ZNF516: variants seen among roughly 807,000 people sequenced by gnomAD.
ZNF516 encodes the protein zinc finger protein 516.
Under a neutral mutation model 79.7 loss-of-function variants are expected in ZNF516, and 19 were observed. The observed-to-expected ratio is 0.24, with a 90% confidence interval of 0.17 to 0.35. ZNF516 has a LOEUF of 0.35. ZNF516 is among the 10% of genes least tolerant of loss of function. The pLI, the probability that ZNF516 is intolerant of heterozygous loss-of-function variation, is 1.00. For missense variants in ZNF516, 1,678 were observed against 1,679.5 expected, an observed-to-expected ratio of 1.00 and a Z score of 0.02; for synonymous variants, 877 against 739.5, an observed-to-expected ratio of 1.19 and a Z score of -3.02.
chr18:76,443,350 A>C, intron 2 of ZNF516, 139 bp from the exon 3 acceptor site: 1 of 416,160 alleles, frequency 2.4e-6, no homozygotes, highest in Non-Finnish European at 4.3e-6. Context: ...CACTTCACAC[A>C]CAGGCGAGAG....
chr18:76,453,626 A>G (rs932109364), intron 2 of ZNF516, among the ~76,000 whole-genome samples: 13 of 152,228 alleles, frequency 8.5e-5, no homozygotes, highest in African/African-American at 3.1e-4. Flanking sequence ...AACCCAATTT[A>G]GAAGTGGCTT....
In ZNF516 at chr18:76,493,532, A is replaced by G. The variant is rs1416082290; in HGVS notation, c.-272+1612T>C. On this transcript the variant is annotated intron_variant, in intron 1 of 6. Transcript: ENST00000443185. The surrounding 1 kb of genome is among the most constrained non-coding windows in gnomAD (Gnocchi z 5.2). ...AGCAATCGTGTTTCCTTAAGAAAGA[A>G]CTGACCTATTTTTGGCTGGAGATAA... 2.0e-5 allele frequency: 3 copies of G among 152,262 alleles called. No homozygotes were observed. Among genetic ancestry groups the G allele is most frequent in the African/African-American group, 7.2e-5 (3 of 41,466 alleles). The allele number at this position is 152,262 out of a possible 1,614,324, so 9.4% of individuals were successfully genotyped here.
At chr18:76,363,023 G>A (rs1487167672) in intron 6 of ZNF516, among the ~76,000 whole-genome samples, 4 of 152,184 alleles carry the variant, frequency 2.6e-5, no homozygotes, top group African/African-American at 7.2e-5. Context: ...AGAAGAGCAC[G>A]GCTCTCACGT....
At chr18:76,365,364 T>A (rs775013083) in intron 6 of ZNF516, among the ~76,000 whole-genome samples, 5 of 152,208 alleles carry the variant, frequency 3.3e-5, no homozygotes, top group Non-Finnish European at 1.5e-5. Context: ...GGTGAATAAT[T>A]TTTCTTGGTT....
chr18:76,390,436 G>A (rs2075054198), intron 3 of ZNF516, among the ~76,000 whole-genome samples: 1 of 152,188 alleles, frequency 6.6e-6, no homozygotes, highest in African/African-American at 2.4e-5. Context: ...ACCTGTTGCG[G>A]GGTGGAGCAG....
Position 76,493,019 on chromosome 18 carries a change from G to C in ZNF516, c.-272+2125C>G. ...ACACACCCCAAATTACCTCCGGGAT[G>C]GAGAAAGCCGCTGCGGATTGGCCAG... is the stretch of plus-strand genomic sequence containing the variant. On this transcript the variant is annotated intron_variant, in intron 1 of 6. Transcript: ENST00000443185. The surrounding 1 kb of genome is among the most constrained non-coding windows in gnomAD (Gnocchi z 5.2). 1.0e-6 allele frequency: 1 copy of C among 985,464 alleles called. No individual in the cohort carries two copies. 61.0% of individuals were successfully genotyped at this position (985,464 alleles called of 1,614,324 possible). A position where few individuals can be genotyped will look rare whatever the true frequency, so the allele number is the denominator to read the frequency against.
rs138230934 is a variant in ZNF516 at position 76,488,319 on chromosome 18, G to A, written c.-272+6825C>T. ...AATGCTGGAAGTGAAGCTCCAAGGTGCCAATTCGCAGGCAGCCAGGAAAGG... is the reference window on the plus strand; with the variant it reads ...AATGCTGGAAGTGAAGCTCCAAGGTACCAATTCGCAGGCAGCCAGGAAAGG... On this transcript the variant is annotated intron_variant, in intron 1 of 6. Coordinates refer to ENST00000443185, the MANE Select transcript of ZNF516 (RefSeq NM_014643.4). The A allele has an allele frequency of 6.5e-4, 614 of 937,884 alleles. 6 individuals are homozygous for A. The African/African-American group carries it at 9.3e-3, about 14-fold the overall frequency. The allele number at this position is 937,884 out of a possible 1,614,324, so 58.1% of individuals were successfully genotyped here.
intron 3 of ZNF516, among the ~76,000 whole-genome samples, chr18:76,395,762 A>C (rs1410385050): frequency 6.6e-6 from 1 of 152,026 alleles, no homozygotes; most frequent in Non-Finnish European, 1.5e-5. Context: ...ATGAAACTCC[A>C]AATGACGGTA....
At chr18:76,387,685 G>A (rs1324938445) in intron 3 of ZNF516, 1 of 152,266 alleles carries the variant, frequency 6.6e-6, no homozygotes, top group Non-Finnish European at 1.5e-5. Context: ...ACAGGAAGGA[G>A]AACACGGCTG....
In ZNF516 at chr18:76,441,436, G is replaced by A. The variant is rs1456032065; in HGVS notation, c.1619C>T (p.Ala540Val). 4 of 1,606,694 alleles carry A rather than the reference G, an allele frequency of 2.5e-6. No individual in the cohort carries two copies. Among genetic ancestry groups the A allele is most frequent in the Non-Finnish European group, 2.5e-6 (3 of 1,177,902 alleles). ...CCCGTCACTGTCCCTCTCGCGGCGC[G>A]CGCGGCGATGCACGCGTGAGTGCAG... ...MVLHSRVHRR[A>V]RRERDSDGDR... Residue 540 changes from alanine to valine, a missense_variant, in exon 3 of 7, where the codon GCG becomes GTG. Physicochemically the swap from Ala to Val is moderately conservative, Grantham distance 64. Transcript: ENST00000443185.
At chr18:76,457,707 A>T (rs1243059674) in intron 2 of ZNF516, among the ~76,000 whole-genome samples, 11 of 152,224 alleles carry the variant, frequency 7.2e-5, no homozygotes, top group Non-Finnish European at 5.9e-5. Flanking sequence ...ACTGACTCAC[A>T]TCCTGTCTCA....
chr18:76,399,178 C>G lies in ZNF516; in HGVS notation c.1811-18875G>C, dbSNP rs534764798. Among the ~76,000 whole-genome samples, 419 of 152,380 alleles carry G rather than the reference C, an allele frequency of 2.7e-3. 2 individuals carry two copies. In the Middle Eastern group the frequency reaches 0.031, roughly 11 times the overall value. ...TCCCCGTACATGGAAGAGCCATCCA[C>G]TTTTCAACAACAGGCATTTATCTGC... is the stretch of plus-strand genomic sequence containing the variant. On this transcript the variant is annotated intron_variant, in intron 3 of 6. Transcript: ENST00000443185.
At chr18:76,433,455 G>C (rs1242122694) in intron 3 of ZNF516, among the ~76,000 whole-genome samples, 2 of 152,222 alleles carry the variant, frequency 1.3e-5, no homozygotes, top group Non-Finnish European at 2.9e-5. Flanking sequence ...CATCCTGCCT[G>C]AAAAGAATGT....
At chr18:76,399,680 CT>C (rs537479337) in intron 3 of ZNF516, among the ~76,000 whole-genome samples, 8 of 152,184 alleles carry the variant, frequency 5.3e-5, no homozygotes, top group Non-Finnish European at 1.2e-4. Context: ...CTTCTGTCAC[CT>C]CTAGACTCGA....
chr18:76,456,651 G>C (rs116306158), intron 2 of ZNF516, among the ~76,000 whole-genome samples: 5 of 150,758 alleles, frequency 3.3e-5, no homozygotes, highest in Admixed American at 6.6e-5. Context: ...CAACCCCGAC[G>C]GTCAGAATGA....
At position 76,362,520 on chromosome 18, in the gene ZNF516, ACT is replaced by A; in HGVS notation, c.3468_3469del (p.Val1157AlafsTer22). On this transcript the variant is annotated frameshift_variant, in exon 7 of 7. Transcript: ENST00000443185. LOFTEE classifies it high-confidence loss of function. ...CCTTTAGGTTCCCTTTCTCAGAGGCACTGTCTGGACGGTACCTGTGTTAGAAT... is the reference window on the plus strand; with the variant it reads ...CCTTTAGGTTCCCTTTCTCAGAGGCAGTCTGGACGGTACCTGTGTTAGAAT... 6.2e-7 allele frequency: 1 copy of A among 1,613,346 alleles called. No individual in the cohort carries two copies. Among genetic ancestry groups the A allele is most frequent in the Non-Finnish European group, 8.5e-7 (1 of 1,179,356 alleles).
chr18:76,422,821 C>CG (rs1002691401), intron 3 of ZNF516, among the ~76,000 whole-genome samples: 1 of 152,088 alleles, frequency 6.6e-6, no homozygotes, highest in African/African-American at 2.4e-5. Flanking sequence ...AATCTCCAAT[C>CG]GTAAACAATG....
At chr18:76,462,231 T>C (rs1913162359) in intron 2 of ZNF516, among the ~76,000 whole-genome samples, 1 of 152,060 alleles carries the variant, frequency 6.6e-6, no homozygotes, top group African/African-American at 2.4e-5. Flanking sequence ...CACCAGCAGC[T>C]CCAGATTTGC....
Position 76,465,658 on chromosome 18 carries a change from G to A in ZNF516, c.-271-2517C>T, listed in dbSNP as rs75244773. Among the ~76,000 whole-genome samples, 398 of 152,306 alleles carry A rather than the reference G, an allele frequency of 2.6e-3. 1 individual carries two copies. Among genetic ancestry groups the A allele is most frequent in the African/African-American group, 8.8e-3 (366 of 41,576 alleles). On this transcript the variant is annotated intron_variant, in intron 1 of 6. Coordinates refer to ENST00000443185, the MANE Select transcript of ZNF516 (RefSeq NM_014643.4). The stretch of plus-strand genomic sequence containing the variant: ...TGCGATGAGAAGGGCCTCTCCCTGC[G>A]GGAGAAGGTTATCTTCCTCCCGGGA...
Sources: gnomAD v4.1 joint callset for allele counts (sites outside exome capture counted in the v4.1 genomes callset) on GRCh38, gnomAD v4.1.1 for gene constraint, Gnocchi (gnomAD v3.1) non-coding constraint, MANE v1.5 for transcripts, NCBI Gene and HGNC (gene_info 2026-07-23, HGNC 2026-07-21) for gene names.